ZNF18: variants seen among roughly 807,000 people sequenced by gnomAD.
The protein encoded by ZNF18 is heart development-specific gene 1 protein.
In ZNF18, 42 loss-of-function variants were observed where a neutral mutation model predicts 58.1. That is an observed-to-expected ratio of 0.72 (90% CI 0.56 to 0.93). The LOEUF is 0.93. ZNF18 is among the 40% of genes least tolerant of loss of function. ZNF18 has a pLI of 0.00. For synonymous variants in ZNF18, 231 were observed against 239.8 expected (o/e 0.96, Z 0.34); for missense variants, 540 against 644.2 (o/e 0.84, Z 1.75).
intron 1 of ZNF18, among the ~76,000 whole-genome samples, chr17:11,996,244 C>A (rs1968462245): frequency 6.6e-6 from 1 of 152,302 alleles, no homozygotes; most frequent in Non-Finnish European, 1.5e-5. Flanking sequence ...CAAATAACAT[C>A]TTAAAAAACG....
At chr17:12,010,920 G>T in the ZNF18 span, 1 of 566,248 alleles carries the variant, frequency 1.8e-6, no homozygotes, top group Non-Finnish European at 3.2e-6. Flanking sequence ...AAGCTATCTT[G>T]GCTCTTCACG....
Position 11,978,840 on chromosome 17 carries a change from CTTTTT to C in ZNF18, c.863-101_863-97del, listed in dbSNP as rs56969015. On this transcript the variant is annotated intron_variant, in intron 6 of 6. Transcript: ENST00000580306. Reference sequence around the variant, plus strand: ...AGGGTCATCATAAAACATTCATTTTCTTTTTTTTTTTTTTTTTTTTTTTTTTAGGG... The same window carrying C: ...AGGGTCATCATAAAACATTCATTTTCTTTTTTTTTTTTTTTTTTTTTAGGG... 1,052 of 120,456 alleles carry C rather than the reference CTTTTT, an allele frequency of 8.7e-3. 7 individuals carry two copies. The highest frequency in any genetic ancestry group is 0.048 in the African/African-American group (932 of 19,428). 7.5% of individuals were successfully genotyped at this position (120,456 alleles called of 1,614,324 possible).
In ZNF18 at chr17:11,978,276, G is replaced by A. The variant is rs766643102; in HGVS notation, c.1331C>T (p.Ala444Val). 5 of 1,607,662 alleles carry A rather than the reference G, an allele frequency of 3.1e-6. No individual in the cohort carries two copies. The highest frequency in any genetic ancestry group is 4.2e-6 in the Non-Finnish European group (5 of 1,177,740). ...TYFQCTICKK[A>V]FLRSSDFVKH... is the part of the protein sequence containing the mutation. ...CACAAAGTCTGAACTCCGCAGAAAG[G>A]CTTTTTTGCAGATGGTGCACTGAAA... is the stretch of plus-strand genomic sequence containing the variant. Residue 444 changes from alanine (A) to valine (V), a missense_variant, in exon 7 of 7, where the codon GCC becomes GTC. Coordinates refer to ENST00000580306, the MANE Select transcript of ZNF18 (RefSeq NM_001303281.2).
chr17:12,000,514 G>A (rs978298978), upstream of ZNF18, among the ~76,000 whole-genome samples: 7 of 152,162 alleles, frequency 4.6e-5, no homozygotes, highest in African/African-American at 1.7e-4. Flanking sequence ...TTCGAGACCA[G>A]CCTAACCAAC....
intron 1 of ZNF18, among the ~76,000 whole-genome samples, chr17:11,996,069 A>G (rs559340225): frequency 1.3e-5 from 2 of 152,160 alleles, no homozygotes; most frequent in Non-Finnish European, 2.9e-5. Flanking sequence ...AATAACAATA[A>G]CTAGAAAATC....
chr17:11,994,293 A>G (rs1025120795), intron 1 of ZNF18, among the ~76,000 whole-genome samples: 2 of 152,222 alleles, frequency 1.3e-5, no homozygotes, highest in African/African-American at 4.8e-5. Flanking sequence ...TTTAAAAACT[A>G]AAAAAGAAAA....
Position 11,978,202 on chromosome 17 carries a change from A to G in ZNF18, c.1405T>C (p.Cys469Arg). ...TGEKPCKCDYCGKGFSDFSGL... is the reference protein window; with the variant it reads ...TGEKPCKCDYRGKGFSDFSGL... ...GAGAAGTCACTAAAGCCTTTCCCAC[A>G]GTAATCACATTTACAGGGCTTCTCT... The change falls in exon 7 of 7, where the codon TGT becomes CGT. Residue 469 changes from cysteine to arginine, a missense_variant. Physicochemically the swap from Cys to Arg is radical, Grantham distance 180. Coordinates refer to ENST00000580306, the MANE Select transcript of ZNF18 (RefSeq NM_001303281.2). 6.2e-7 allele frequency: 1 copy of G among 1,614,138 alleles called. No homozygotes were observed. The highest frequency in any genetic ancestry group is 8.5e-7 in the Non-Finnish European group (1 of 1,180,012).
chr17:12,008,430 G>C, the ZNF18 span, among the ~76,000 whole-genome samples: 22 of 152,188 alleles, frequency 1.4e-4, no homozygotes, highest in South Asian at 3.5e-3. Flanking sequence ...GAATTCTTGG[G>C]CTCAAGGGAT....
At chr17:11,994,989 G>C (rs1054258351) in intron 1 of ZNF18, among the ~76,000 whole-genome samples, 7 of 152,190 alleles carry the variant, frequency 4.6e-5, no homozygotes, top group Non-Finnish European at 1.0e-4. Context: ...GAGAAGGAAG[G>C]GTTGGTCTTG....
chr17:11,991,733 G>T (rs1200433988), intron 2 of ZNF18, among the ~76,000 whole-genome samples: 1 of 152,190 alleles, frequency 6.6e-6, no homozygotes, highest in African/African-American at 2.4e-5. Flanking sequence ...TAGGCTCCTA[G>T]ATAGCTTCAG....
intron 6 of ZNF18, 43 bp downstream of exon 6, chr17:11,983,254 C>T (rs1424684959): frequency 6.9e-7 from 1 of 1,457,720 alleles, no homozygotes; most frequent in Admixed American, 1.7e-5. Flanking sequence ...AATTTAATGA[C>T]AGGCAGTCAG....
the ZNF18 span, among the ~76,000 whole-genome samples, chr17:12,016,556 C>T: frequency 6.6e-6 from 1 of 152,040 alleles, no homozygotes; most frequent in Non-Finnish European, 1.5e-5. Context: ...TTTTGAACTC[C>T]TGACCTCAGG....
chr17:11,993,483 A>G (rs1438482144), intron 1 of ZNF18: 1 of 152,174 alleles, frequency 6.6e-6, no homozygotes, highest in Non-Finnish European at 1.5e-5. Flanking sequence ...AGAATTTATG[A>G]AAAAAACAAG....
At chr17:11,985,500 G>A (rs560950222) in intron 4 of ZNF18, among the ~76,000 whole-genome samples, 8 of 152,314 alleles carry the variant, frequency 5.3e-5, no homozygotes, top group African/African-American at 1.7e-4. Flanking sequence ...AGTGTCACCT[G>A]TTTTCATAGC....
the ZNF18 span, chr17:12,011,314 G>T: frequency 8.7e-6 from 2 of 230,180 alleles, no homozygotes; most frequent in Non-Finnish European, 1.7e-5. Context: ...ATAAATATTT[G>T]CTGTTTCATA....
rs1372317605 is a variant in ZNF18, at chr17:11,986,954, TA to T, written c.667-2758del. ...GAGCACTAACAGGGTACCTCCAGCT[TA>T]AAAACACAAATTTACTCAAGAAACT... On this transcript the variant is annotated intron_variant, in intron 4 of 6. Transcript: ENST00000580306. Among the ~76,000 whole-genome samples, 4 of 152,198 alleles carry T rather than the reference TA, an allele frequency of 2.6e-5. No homozygotes were observed. In the East Asian group the frequency reaches 7.7e-4, roughly 29 times the overall value.
chr17:12,012,420 A>T, the ZNF18 span, among the ~76,000 whole-genome samples: 1 of 152,236 alleles, frequency 6.6e-6, no homozygotes, highest in Non-Finnish European at 1.5e-5. Flanking sequence ...TATATTCAGT[A>T]ACCTTGGACA....
chr17:11,987,016 C>A (rs1045190908), intron 4 of ZNF18, among the ~76,000 whole-genome samples: 10 of 152,232 alleles, frequency 6.6e-5, no homozygotes, highest in Non-Finnish European at 1.3e-4. Flanking sequence ...AAACCTCCTA[C>A]TGAAGAGGCA....
At chr17:12,009,885 G>T in the ZNF18 span, among the ~76,000 whole-genome samples, 5 of 152,194 alleles carry the variant, frequency 3.3e-5, 1 homozygote, top group South Asian at 1.0e-3. Flanking sequence ...TATATTCCTA[G>T]AATTCCAACA....
Sources: gnomAD v4.1 joint callset for allele counts (sites outside exome capture counted in the v4.1 genomes callset) on GRCh38, gnomAD v4.1.1 for gene constraint, MANE v1.5 for transcripts, NCBI Gene and HGNC (gene_info 2026-07-23, HGNC 2026-07-21) for gene names.